TMEM182: variants seen among roughly 807,000 people sequenced by gnomAD.
TMEM182 encodes the protein transmembrane protein 182.
Under a neutral mutation model 26.8 loss-of-function variants are expected in TMEM182, and 20 were observed. That is an observed-to-expected ratio of 0.75 (90% CI 0.53 to 1.09). The LOEUF (loss-of-function observed/expected upper bound fraction) is 1.09, where lower values mean the gene tolerates loss of function less well. Among genes scored for constraint, TMEM182 ranks in the 50% least tolerant of loss-of-function variants. The pLI, the probability that TMEM182 is intolerant of heterozygous loss-of-function variation, is 0.00. For missense variants in TMEM182, 277 were observed against 275.5 expected (o/e 1.01, Z -0.04); for synonymous variants, 109 against 102.2 (o/e 1.07, Z -0.40).
chr2:102,814,774 C>G lies in TMEM182; in HGVS notation c.496C>G (p.Leu166Val), dbSNP rs200341477. The change falls in exon 5 of 5, where the codon CTG (leucine) becomes GTG (valine). Residue 166 changes from leucine (L) to valine (V), a missense_variant. Leu to Val is a conservative substitution (Grantham distance 32). Coordinates refer to ENST00000412401, the MANE Select transcript of TMEM182 (RefSeq NM_144632.5). Reference protein sequence around the residue: ...AGILFSLVVMLYVIWVQAVAD... With the variant: ...AGILFSLVVMVYVIWVQAVAD... ...CATCCTATTTTCATTGGTGGTGATGCTGTATGTCATCTGGGTCCAGGCAGT... is the reference window on the plus strand; with the variant it reads ...CATCCTATTTTCATTGGTGGTGATGGTGTATGTCATCTGGGTCCAGGCAGT... The G allele has an allele frequency of 1.2e-6, 2 of 1,613,674 alleles. No homozygotes were observed. The highest frequency in any genetic ancestry group is 3.3e-5 in the Admixed American group (2 of 59,898).
intron 3 of TMEM182, among the ~76,000 whole-genome samples, chr2:102,769,651 T>C (rs1680594945): frequency 6.6e-6 from 1 of 152,226 alleles, no homozygotes; most frequent in Admixed American, 6.5e-5. Context: ...CAAAAATAAT[T>C]CTATGTATGT....
chr2:102,823,802 G>C (rs1234947381), intron 3 of TMEM182, among the ~76,000 whole-genome samples: 1 of 152,222 alleles, frequency 6.6e-6, no homozygotes, highest in East Asian at 1.9e-4. Flanking sequence ...CATTAGTTTA[G>C]TTTTGTTCCT....
chr2:102,767,550 G>A (rs894584434), intron 3 of TMEM182, among the ~76,000 whole-genome samples: 5 of 152,058 alleles, frequency 3.3e-5, no homozygotes, highest in African/African-American at 1.2e-4. Flanking sequence ...TGCCTTCTCA[G>A]TGTCCCCATA....
intron 1 of TMEM182, among the ~76,000 whole-genome samples, chr2:102,748,694 C>T (rs1055022175): frequency 6.6e-6 from 1 of 152,168 alleles, no homozygotes; most frequent in Non-Finnish European, 1.5e-5. Flanking sequence ...TTGTGACCTC[C>T]TAAGTTAAAA....
chr2:102,815,995 G>A lies in TMEM182; in HGVS notation c.*1027G>A. ...TGATCATTTGATTCCTTTAATTACT[G>A]TCCCTCAATTTCTTCATCTTTACAA... On this transcript the variant is annotated 3_prime_UTR_variant, in exon 5 of 5. Transcript: ENST00000412401. 2.0e-6 allele frequency: 2 copies of A among 984,744 alleles called. No homozygotes were observed. The highest frequency in any genetic ancestry group is 1.1e-4 in the East Asian group (1 of 8,802). The allele number at this position is 984,744 out of a possible 1,614,324, so 61.0% of individuals were successfully genotyped here.
At chr2:102,751,009 A>G (rs1039646982) in intron 1 of TMEM182, among the ~76,000 whole-genome samples, 4 of 152,052 alleles carry the variant, frequency 2.6e-5, no homozygotes, top group Admixed American at 6.5e-5. Context: ...TAGCTGCTTC[A>G]CTGTGCATGC....
At chr2:102,842,428 A>T (rs1573585487) in intron 3 of TMEM182, among the ~76,000 whole-genome samples, 1 of 152,116 alleles carries the variant, frequency 6.6e-6, no homozygotes, top group African/African-American at 2.4e-5. Context: ...GCCCTCACAC[A>T]GCTGCTTATC....
chr2:102,776,918 C>G (rs112304139), intron 3 of TMEM182, among the ~76,000 whole-genome samples: 1 of 152,096 alleles, frequency 6.6e-6, no homozygotes, highest in African/African-American at 2.4e-5. Flanking sequence ...AACATCTTTT[C>G]TCATGCTTAT....
intron 1 of TMEM182, among the ~76,000 whole-genome samples, chr2:102,746,040 A>G (rs1679686587): frequency 6.6e-6 from 1 of 152,206 alleles, no homozygotes; most frequent in Non-Finnish European, 1.5e-5. Flanking sequence ...GACTACACCA[A>G]TTTACACTCT....
At chr2:102,764,518 AT>A in intron 3 of TMEM182, 91 bp downstream of exon 3, 3 of 987,060 alleles carry the variant, frequency 3.0e-6, no homozygotes, top group Non-Finnish European at 4.4e-6. Context: ...AATTAAAAAA[AT>A]AATTTAAGAC....
In TMEM182 at chr2:102,815,520, G is replaced by A; in HGVS notation, c.*552G>A. ...GCCATGTACTCACCAGTTAAAATGGGCCACAACAAACAAGACTGAGAGCAT... is the reference window on the plus strand; with the variant it reads ...GCCATGTACTCACCAGTTAAAATGGACCACAACAAACAAGACTGAGAGCAT... On this transcript the variant is annotated 3_prime_UTR_variant, in exon 5 of 5. Transcript: ENST00000412401. 1 of 985,742 alleles carries A rather than the reference G, an allele frequency of 1.0e-6. No individual in the cohort carries two copies. The highest frequency in any genetic ancestry group is 1.2e-6 in the Non-Finnish European group (1 of 830,190). 61.1% of individuals were successfully genotyped at this position (985,742 alleles called of 1,614,324 possible).
At chr2:102,774,665 T>C (rs1361184898) in intron 3 of TMEM182, among the ~76,000 whole-genome samples, 2 of 152,200 alleles carry the variant, frequency 1.3e-5, no homozygotes, top group African/African-American at 2.4e-5. Context: ...CACTCTTTTT[T>C]TGAAGATGTG....
rs148616260 is a variant in TMEM182 at position 102,793,028 on chromosome 2, C to T, written c.332-4835C>T. Among the ~76,000 whole-genome samples the T allele has an allele frequency of 5.3e-5, 8 of 152,158 alleles. No individual in the cohort carries two copies. In the East Asian group the frequency reaches 7.7e-4, roughly 15 times the overall value. Reference sequence around the variant, plus strand: ...TTGACGCTCCTGCTGCTTCCTCTGCCGTCTGTGTGACCTGGTTCAGGATCC... The same window carrying T: ...TTGACGCTCCTGCTGCTTCCTCTGCTGTCTGTGTGACCTGGTTCAGGATCC... On this transcript the variant is annotated intron_variant, in intron 3 of 4. Transcript: ENST00000412401.
At chr2:102,753,611 T>A (rs1679944428) in intron 1 of TMEM182, among the ~76,000 whole-genome samples, 1 of 152,142 alleles carries the variant, frequency 6.6e-6, no homozygotes, top group African/African-American at 2.4e-5. Flanking sequence ...GCTCAAAAGA[T>A]CCTCCTTCCA....
chr2:102,793,660 T>C (rs1011697421), intron 3 of TMEM182, among the ~76,000 whole-genome samples: 3 of 152,256 alleles, frequency 2.0e-5, no homozygotes, highest in African/African-American at 2.4e-5. Context: ...TTCTAATATT[T>C]ACTACAATGC....
At chr2:102,818,762 C>G (rs7570248), downstream of TMEM182, among the ~76,000 whole-genome samples, 1 of 151,788 alleles carries the variant, frequency 6.6e-6, no homozygotes. Context: ...ATCTATCTAT[C>G]TATCTATCTA....
intron 4 of TMEM182, among the ~76,000 whole-genome samples, chr2:102,811,082 A>AAAAAAAAATT (rs1682541544): frequency 1.3e-5 from 2 of 150,780 alleles, no homozygotes; most frequent in Admixed American, 6.6e-5. Flanking sequence ...AAAAAAAAAA[A>AAAAAAAAATT]TTCTAAATCA....
chr2:102,762,248 G>T lies in TMEM182; in HGVS notation c.31G>T (p.Ala11Ser). The T allele has an allele frequency of 6.2e-7, 1 of 1,613,430 alleles. No individual in the cohort carries two copies. Among genetic ancestry groups the T allele is most frequent in the Non-Finnish European group, 8.5e-7 (1 of 1,179,742 alleles). Residue 11 changes from alanine (A) to serine (S), a missense_variant, in exon 1 of 5, where the codon GCT becomes TCT. Ala to Ser is a moderately conservative substitution (Grantham distance 99). Coordinates refer to ENST00000412401, the MANE Select transcript of TMEM182 (RefSeq NM_144632.5). MRLNIAIFFGALFGALGVLLF... is the reference protein window; with the variant it reads MRLNIAIFFGSLFGALGVLLF... ...ACTAAATATCGCTATCTTCTTTGGA[G>T]CTCTCTTTGGTGCTTTGGGGGTGTT... is the stretch of plus-strand genomic sequence containing the variant.
At chr2:102,838,770 G>A (rs1027576940) in intron 3 of TMEM182, among the ~76,000 whole-genome samples, 1 of 152,122 alleles carries the variant, frequency 6.6e-6, no homozygotes, top group Non-Finnish European at 1.5e-5. Flanking sequence ...GAATGTAGAA[G>A]GTTTGAGTCC....
Sources: gnomAD v4.1 joint callset for allele counts (sites outside exome capture counted in the v4.1 genomes callset) on GRCh38, gnomAD v4.1.1 for gene constraint, MANE v1.5 for transcripts, NCBI Gene and HGNC (gene_info 2026-07-23, HGNC 2026-07-21) for gene names.